GARIN4: variants seen among roughly 807,000 people sequenced by gnomAD.
GARIN4 encodes golgi associated RAB2 interactor family member 4.
At chr1:212,626,231 G>C in the GARIN4 span, 8 of 1,614,212 alleles carry the variant, frequency 5.0e-6, no homozygotes, top group Non-Finnish European at 6.8e-6. Context: ...AACAAGGGGA[G>C]ACAAGATTGC....
At chr1:212,624,882 ATGC>A in the GARIN4 span, 1 of 1,582,066 alleles carries the variant, frequency 6.3e-7, no homozygotes, top group Non-Finnish European at 8.6e-7. Flanking sequence ...ACAACCATGA[ATGC>A]TGATTTTCTG....
the GARIN4 span, chr1:212,626,037 T>C: frequency 3.7e-6 from 6 of 1,614,022 alleles, no homozygotes; most frequent in Non-Finnish European, 5.1e-6. Context: ...GAAGCAGACA[T>C]GGATGCAGCA....
chr1:212,625,391 T>G, the GARIN4 span: 118 of 1,614,086 alleles, frequency 7.3e-5, no homozygotes, highest in Non-Finnish European at 9.9e-5. Flanking sequence ...AAAACTAATT[T>G]ACCTCTTGCG....
chr1:212,626,599 G>C, the GARIN4 span: 2 of 1,613,914 alleles, frequency 1.2e-6, no homozygotes, highest in South Asian at 1.1e-5. Flanking sequence ...GTGGCCAGGG[G>C]CTGGAGACGG....
the GARIN4 span, chr1:212,625,239 T>C: frequency 1.9e-6 from 3 of 1,614,112 alleles, no homozygotes; most frequent in Non-Finnish European, 2.5e-6. Flanking sequence ...CTCACCAGGC[T>C]TCTGCCCCTG....
chr1:212,625,186 G>C, the GARIN4 span: 2 of 1,614,132 alleles, frequency 1.2e-6, no homozygotes, highest in South Asian at 2.2e-5. Context: ...GACATGGCCA[G>C]GCCACCAAGA....
At chr1:212,626,174 C>T in the GARIN4 span, 2 of 1,614,118 alleles carry the variant, frequency 1.2e-6, no homozygotes, top group Non-Finnish European at 1.7e-6. Flanking sequence ...GGACAGGGCT[C>T]TCGGAAGGAG....
chr1:212,626,407 G>T, the GARIN4 span: 1 of 1,614,222 alleles, frequency 6.2e-7, no homozygotes, highest in Non-Finnish European at 8.5e-7. Context: ...AATCTGGGAG[G>T]AGCTTATGGA....
At chr1:212,625,531 G>A in the GARIN4 span, 1 of 1,614,234 alleles carries the variant, frequency 6.2e-7, no homozygotes, top group South Asian at 1.1e-5. Context: ...ATCAGGACCA[G>A]GTCAGCATCC....
the GARIN4 span, chr1:212,624,653 C>T: frequency 5.8e-6 from 4 of 687,878 alleles, no homozygotes; most frequent in East Asian, 1.2e-4. Flanking sequence ...GTCCAGGCAC[C>T]CTACAGCACC....
the GARIN4 span, chr1:212,624,858 CGTT>C: frequency 6.4e-7 from 1 of 1,553,448 alleles, no homozygotes; most frequent in Non-Finnish European, 8.7e-7. Flanking sequence ...CCAGTGCTGC[CGTT>C]GTGCTGAAAG....
At chr1:212,626,485 C>A in the GARIN4 span, 2 of 1,614,080 alleles carry the variant, frequency 1.2e-6, no homozygotes, top group Non-Finnish European at 1.7e-6. Flanking sequence ...TCAGAGCCAA[C>A]CTTACTACAA....
chr1:212,624,662 C>A, the GARIN4 span: 4 of 763,444 alleles, frequency 5.2e-6, no homozygotes, highest in Non-Finnish European at 5.8e-6. Flanking sequence ...CCCTACAGCA[C>A]CCCCCACAGC....
chr1:212,625,135 G>T, the GARIN4 span: 18 of 1,614,154 alleles, frequency 1.1e-5, no homozygotes, highest in Non-Finnish European at 1.4e-5. Flanking sequence ...CAGATGTCAT[G>T]CTACTGGCAC....
chr1:212,626,002 A>T, the GARIN4 span: 2 of 1,614,234 alleles, frequency 1.2e-6, no homozygotes, highest in South Asian at 2.2e-5. Context: ...TTGCAGGAGT[A>T]GTACTGACCA....
At chr1:212,626,140 G>A in the GARIN4 span, 1 of 1,614,212 alleles carries the variant, frequency 6.2e-7, no homozygotes, top group South Asian at 1.1e-5. Flanking sequence ...AAGGCTGCAA[G>A]GAGGGGAGGG....
At chr1:212,625,896 C>G in the GARIN4 span, 2 of 1,614,224 alleles carry the variant, frequency 1.2e-6, no homozygotes, top group South Asian at 2.2e-5. Context: ...CCAAACAGCA[C>G]GAAGGTGGCT....
chr1:212,625,717 A>AGCAGGGGCAGCT, the GARIN4 span: 27 of 1,613,862 alleles, frequency 1.7e-5, no homozygotes, highest in African/African-American at 4.0e-5. Context: ...AGGCAGCAGC[A>AGCAGGGGCAGCT]GCAGGGGCAG....
chr1:212,625,073 G>A, the GARIN4 span: 1 of 1,614,146 alleles, frequency 6.2e-7, no homozygotes, highest in Non-Finnish European at 8.5e-7. Flanking sequence ...GCACAACCGT[G>A]TCCGTATGGT....
Sources: allele counts gnomAD v4.1 joint callset, GRCh38; gene constraint gnomAD v4.1.1; transcripts MANE v1.5; gene names NCBI Gene and HGNC (gene_info 2026-07-23, HGNC 2026-07-21).